The following MKRN2OS variants were observed in gnomAD, a reference collection of about 807,000 sequenced individuals.
MKRN2OS encodes MKRN2 opposite strand protein.
MKRN2OS carries 17 observed loss-of-function variants against 18.2 expected under a neutral mutation model. That is an observed-to-expected ratio of 0.93 (90% confidence interval 0.64 to 1.40). The LOEUF is 1.40. Ranked by LOEUF, MKRN2OS falls within the 40% of genes most tolerant of loss-of-function variation. MKRN2OS has a pLI of 0.00. For missense variants in MKRN2OS, 337 were observed against 283.0 expected (o/e 1.19, Z -1.37); for synonymous variants, 121 against 108.5 (o/e 1.12, Z -0.72).
intron 1 of MKRN2OS, chr3:12,557,259 A>G (rs1482673606): frequency 6.7e-7 from 1 of 1,490,042 alleles, no homozygotes; most frequent in East Asian, 2.7e-5. Context: ...TGGTCCGGGA[A>G]CCTGAGGCTA....
rs2057777970 is a variant in MKRN2OS at position 12,540,351 on chromosome 3, GTTGC to G, written c.510_513del (p.Gln170HisfsTer85). The G allele has an allele frequency of 1.3e-6, 2 of 1,535,990 alleles. No individual in the cohort carries two copies. Among genetic ancestry groups the G allele is most frequent in the Admixed American group, 2.0e-5 (1 of 50,968 alleles). On this transcript the variant is annotated frameshift_variant, in exon 4 of 4. Coordinates refer to ENST00000564146, the MANE Select transcript of MKRN2OS (RefSeq NM_001195279.2). LOFTEE classifies it low-confidence loss of function (END_TRUNC). ...TTCTCCGTAAATTCACCCTTGTCCAGTTGCTGTCTACCTTCTGCCATCAGAACGC... is the reference window on the plus strand; with the variant it reads ...TTCTCCGTAAATTCACCCTTGTCCAGTGTCTACCTTCTGCCATCAGAACGC...
downstream of MKRN2OS, among the ~76,000 whole-genome samples, chr3:12,552,260 G>A (rs2057935028): frequency 6.6e-6 from 1 of 151,810 alleles, no homozygotes; most frequent in Non-Finnish European, 1.5e-5. Flanking sequence ...GGAGGTTGCA[G>A]TGAGCTGAGA....
chr3:12,550,165 TA>T (rs1424670387), upstream of MKRN2OS, among the ~76,000 whole-genome samples: 1 of 152,204 alleles, frequency 6.6e-6, no homozygotes, highest in Non-Finnish European at 1.5e-5. Flanking sequence ...GCTTCATTCA[TA>T]ATTGCTAATA....
At position 12,540,254 on chromosome 3, in the gene MKRN2OS, A is replaced by G. The variant is rs1294456946; in HGVS notation, c.611T>C (p.Phe204Ser). The change falls in exon 4 of 4, where the codon TTC becomes TCC. Residue 204 changes from phenylalanine (F) to serine (S), a missense_variant. Physicochemically the swap from Phe to Ser is radical, Grantham distance 155. Transcript: ENST00000564146. ...TLYRAIREHGFYVTDCPQQQA... is the reference protein window; with the variant it reads ...TLYRAIREHGSYVTDCPQQQA... ...CTGCTGGGGACAGTCAGTGACGTAGAAGCCATGCTCCCGTATCGCCCGGTA... is the reference window on the plus strand; with the variant it reads ...CTGCTGGGGACAGTCAGTGACGTAGGAGCCATGCTCCCGTATCGCCCGGTA... 6.5e-7 allele frequency: 1 copy of G among 1,536,020 alleles called. No homozygotes were observed. Among genetic ancestry groups the G allele is most frequent in the Non-Finnish European group, 8.7e-7 (1 of 1,146,914 alleles).
At chr3:12,542,884 A>G (rs2057835104) in intron 2 of MKRN2OS, among the ~76,000 whole-genome samples, 2 of 152,176 alleles carry the variant, frequency 1.3e-5, no homozygotes, top group African/African-American at 2.4e-5. Context: ...GGGCAAGTCA[A>G]TCTCACTGGA....
At chr3:12,557,034 C>A in intron 1 of MKRN2OS, 1 of 893,250 alleles carries the variant, frequency 1.1e-6, no homozygotes, top group Non-Finnish European at 1.4e-6. Flanking sequence ...GGGCGGCGTG[C>A]GCCGGCGTGC....
chr3:12,555,264 A>G (rs1470231022), intron 1 of MKRN2OS, among the ~76,000 whole-genome samples: 1 of 147,884 alleles, frequency 6.8e-6, no homozygotes, highest in East Asian at 2.0e-4. Flanking sequence ...GTGAGCCAAG[A>G]GCATGCCACT....
At chr3:12,554,926 TTTC>T (rs1183620935) in intron 1 of MKRN2OS, among the ~76,000 whole-genome samples, 1 of 152,208 alleles carries the variant, frequency 6.6e-6, no homozygotes, top group Non-Finnish European at 1.5e-5. Context: ...GACTGAGACT[TTTC>T]ACTTTACGCT....
intron 2 of MKRN2OS, among the ~76,000 whole-genome samples, chr3:12,542,582 T>G (rs1371626308): frequency 6.6e-6 from 1 of 152,056 alleles, no homozygotes; most frequent in African/African-American, 2.4e-5. Flanking sequence ...ATATCCAGGC[T>G]ACACATCCTG....
upstream of MKRN2OS, among the ~76,000 whole-genome samples, chr3:12,548,219 CG>C (rs2057900676): frequency 6.6e-6 from 1 of 152,042 alleles, no homozygotes; most frequent in African/African-American, 2.4e-5. Context: ...GAGGCCGAGG[CG>C]GGTGGATCAC....
chr3:12,553,016 CAAAAAAAAAA>C (rs371579378), downstream of MKRN2OS, among the ~76,000 whole-genome samples: 1 of 102,020 alleles, frequency 9.8e-6, no homozygotes, highest in Admixed American at 1.0e-4. Flanking sequence ...ACCCGGTCTC[CAAAAAAAAAA>C]AAAAAAAAAA....
Position 12,545,429 on chromosome 3 carries a change from TTTAA to T in MKRN2OS, c.32_35del (p.Ile11AsnfsTer74), listed in dbSNP as rs748161475. 5.0e-5 allele frequency: 76 copies of T among 1,535,026 alleles called. 1 individual carries two copies. The South Asian group carries it at 5.2e-4, about 11-fold the overall frequency. On this transcript the variant is annotated frameshift_variant, in exon 1 of 4. Coordinates refer to ENST00000564146, the MANE Select transcript of MKRN2OS (RefSeq NM_001195279.2). LOFTEE classifies it high-confidence loss of function. ...AGATGTATTTCTCACAGTGGTTGAATTTAATTAAAGCCTTCCCAGCCTCTGCGCA... is the reference window on the plus strand; with the variant it reads ...AGATGTATTTCTCACAGTGGTTGAATTTAAAGCCTTCCCAGCCTCTGCGCA...
intron 1 of MKRN2OS, among the ~76,000 whole-genome samples, chr3:12,558,478 G>T (rs748051230): frequency 6.6e-5 from 10 of 152,148 alleles, no homozygotes; most frequent in Non-Finnish European, 1.3e-4. Flanking sequence ...TCGCTCTATG[G>T]TTTAATTCTA....
chr3:12,559,137 C>T (rs1048573854), intron 1 of MKRN2OS, among the ~76,000 whole-genome samples: 2 of 152,194 alleles, frequency 1.3e-5, no homozygotes, highest in Admixed American at 1.3e-4. Context: ...AAGAAGTTTA[C>T]TCACAAAAGG....
At chr3:12,543,338 G>C in intron 1 of MKRN2OS, 109 bp from the exon 2 acceptor site, 10 of 901,012 alleles carry the variant, frequency 1.1e-5, no homozygotes, top group Non-Finnish European at 1.7e-5. Flanking sequence ...TGTAATCCCA[G>C]CACTTTGGGA....
chr3:12,541,862 G>C lies in MKRN2OS; in HGVS notation c.429C>G (p.His143Gln), dbSNP rs560864131. 5.9e-6 allele frequency: 9 copies of C among 1,535,400 alleles called. No homozygotes were observed. The highest frequency in any genetic ancestry group is 7.8e-6 in the Non-Finnish European group (9 of 1,146,706). Reference protein sequence around the residue: ...DFSTSGAWLPHRYEDNHHNCY... With the variant: ...DFSTSGAWLPQRYEDNHHNCY... ...GGGCAGCATTTGCAGTCGTGTACCTGTGAGGCAGCCAGGCCCCCGAGGTGG... is the reference window on the plus strand; with the variant it reads ...GGGCAGCATTTGCAGTCGTGTACCTCTGAGGCAGCCAGGCCCCCGAGGTGG... The change falls in exon 3 of 4, where the codon CAC becomes CAG. Residue 143 changes from histidine to glutamine, a missense_variant and splice_region_variant. Coordinates refer to ENST00000564146, the MANE Select transcript of MKRN2OS (RefSeq NM_001195279.2).
downstream of MKRN2OS, among the ~76,000 whole-genome samples, chr3:12,552,702 T>A (rs1175678745): frequency 6.6e-6 from 1 of 151,038 alleles, no homozygotes; most frequent in South Asian, 2.2e-4. Flanking sequence ...TGAGCCACCA[T>A]GCCCCACATT....
chr3:12,559,889 A>G (rs2058022311), intron 1 of MKRN2OS, among the ~76,000 whole-genome samples: 1 of 152,196 alleles, frequency 6.6e-6, no homozygotes, highest in African/African-American at 2.4e-5. Flanking sequence ...AATCACTATT[A>G]GAAGACACAG....
intron 1 of MKRN2OS, among the ~76,000 whole-genome samples, chr3:12,555,142 G>A: frequency 6.6e-6 from 1 of 151,922 alleles, no homozygotes; most frequent in East Asian, 1.9e-4. Flanking sequence ...AAACCCCGTC[G>A]CTACTAAAAC....
Sources: allele counts gnomAD v4.1 joint callset (sites outside exome capture counted in the v4.1 genomes callset), GRCh38; gene constraint gnomAD v4.1.1; transcripts MANE v1.5; gene names NCBI Gene and HGNC (gene_info 2026-07-23, HGNC 2026-07-21).